The following TMEM178B variants were observed in gnomAD, a reference collection of about 807,000 sequenced individuals.
TMEM178B encodes the protein transmembrane protein 178B.
A neutral mutation model predicts 31.0 loss-of-function variants in TMEM178B; 5 were observed. The observed-to-expected ratio is 0.16, with a 90% CI of 0.08 to 0.34. TMEM178B has a LOEUF of 0.34. TMEM178B is among the 10% of genes least tolerant of loss of function. TMEM178B has a pLI of 1.00. For missense variants in TMEM178B, 275 were observed against 400.3 expected (o/e 0.69, Z 2.67); for synonymous variants, 164 against 164.0 (o/e 1.00, Z 0.00).
intron 2 of TMEM178B, among the ~76,000 whole-genome samples, chr7:141,351,336 T>C (rs760741675): frequency 1.2e-4 from 18 of 152,268 alleles, no homozygotes; most frequent in Non-Finnish European, 2.5e-4. Flanking sequence ...TACAGTCAGC[T>C]GAAGTTGGCT....
chr7:141,395,759 A>G (rs935538598), intron 2 of TMEM178B, among the ~76,000 whole-genome samples: 1 of 152,120 alleles, frequency 6.6e-6, no homozygotes, highest in Non-Finnish European at 1.5e-5. Flanking sequence ...GGATTTCTAT[A>G]TCAGGGGAAT....
At chr7:141,101,656 A>C (rs1392177450) in intron 1 of TMEM178B, among the ~76,000 whole-genome samples, 2 of 152,222 alleles carry the variant, frequency 1.3e-5, no homozygotes, top group Admixed American at 1.3e-4. Flanking sequence ...ACAGATAACT[A>C]TCTATAAATA....
At chr7:141,299,924 G>A (rs1798695710) in intron 2 of TMEM178B, among the ~76,000 whole-genome samples, 1 of 152,030 alleles carries the variant, frequency 6.6e-6, no homozygotes, top group Admixed American at 6.5e-5. Flanking sequence ...AGCTGGGACT[G>A]CAGACATGTG....
intron 3 of TMEM178B, among the ~76,000 whole-genome samples, chr7:141,462,837 C>T (rs1802082510): frequency 1.3e-5 from 2 of 151,904 alleles, no homozygotes; most frequent in African/African-American, 4.8e-5. Context: ...CGAGACTATC[C>T]TCCCCTCTTC....
intron 2 of TMEM178B, among the ~76,000 whole-genome samples, chr7:141,418,144 T>C (rs1202741078): frequency 3.3e-5 from 5 of 152,210 alleles, no homozygotes; most frequent in African/African-American, 1.2e-4. Flanking sequence ...CATAGAAATA[T>C]ACTTAAGTCT....
chr7:141,378,653 A>G lies in TMEM178B; in HGVS notation c.497-58955A>G, dbSNP rs541798851. On this transcript the variant is annotated intron_variant, in intron 2 of 3. Transcript: ENST00000565468. ...GTTTAGCCTCTACAGCTACATACTGACCTTTGCCAACCTGCAGATCTGTTC... is the reference window on the plus strand; with the variant it reads ...GTTTAGCCTCTACAGCTACATACTGGCCTTTGCCAACCTGCAGATCTGTTC... Among the ~76,000 whole-genome samples the G allele has an allele frequency of 3.3e-5, 5 of 152,308 alleles. No individual in the cohort carries two copies. The East Asian group carries it at 9.7e-4, about 29-fold the overall frequency.
At chr7:141,396,520 A>C (rs1800642235) in intron 2 of TMEM178B, among the ~76,000 whole-genome samples, 1 of 141,088 alleles carries the variant, frequency 7.1e-6, no homozygotes, top group Non-Finnish European at 1.6e-5. Flanking sequence ...CATACTGCAG[A>C]GTGGAAAACA....
intron 1 of TMEM178B, among the ~76,000 whole-genome samples, chr7:141,155,800 C>G (rs1273278675): frequency 6.6e-6 from 1 of 152,152 alleles, no homozygotes; most frequent in Non-Finnish European, 1.5e-5. Context: ...CGTGGTGGCT[C>G]ACATCTGTAA....
intron 1 of TMEM178B, among the ~76,000 whole-genome samples, chr7:141,166,568 T>C (rs546997153): frequency 3.3e-5 from 5 of 152,288 alleles, no homozygotes; most frequent in African/African-American, 1.2e-4. Flanking sequence ...TTCTAGTATC[T>C]ACTGACAAGA....
chr7:141,148,695 G>A (rs968309478), intron 1 of TMEM178B, among the ~76,000 whole-genome samples: 4 of 152,248 alleles, frequency 2.6e-5, no homozygotes. Flanking sequence ...TTGGTGCAGA[G>A]AATAGAGCAG....
chr7:141,208,150 G>C (rs1384934028), intron 1 of TMEM178B, among the ~76,000 whole-genome samples: 1 of 151,950 alleles, frequency 6.6e-6, no homozygotes, highest in Admixed American at 6.5e-5. Context: ...CGATGATTAC[G>C]CCACTGCATG....
At chr7:141,408,012 C>T (rs1193037878) in intron 2 of TMEM178B, among the ~76,000 whole-genome samples, 3 of 152,094 alleles carry the variant, frequency 2.0e-5, no homozygotes, top group African/African-American at 7.2e-5. Context: ...GAATGGAGGA[C>T]CAGAGACTTT....
rs566417815 is a variant in TMEM178B, at chr7:141,089,254, G to A, written c.382+14562G>A. On this transcript the variant is annotated intron_variant, in intron 1 of 3. Transcript: ENST00000565468. ...ATGAGGGGACATCCAGCAAGACTGGGAGGAAGGGCTTTAGGCTGATTCCTA... is the reference window on the plus strand; with the variant it reads ...ATGAGGGGACATCCAGCAAGACTGGAAGGAAGGGCTTTAGGCTGATTCCTA... 2.6e-5 allele frequency among the ~76,000 whole-genome samples: 4 copies of A among 152,350 alleles called. No homozygotes were observed. The East Asian group carries it at 7.7e-4, about 29-fold the overall frequency.
At chr7:141,113,082 A>G (rs529117052) in intron 1 of TMEM178B, among the ~76,000 whole-genome samples, 2 of 152,330 alleles carry the variant, frequency 1.3e-5, no homozygotes, top group South Asian at 4.1e-4. Flanking sequence ...AGACAGCAGG[A>G]ACAGTTGGAG....
chr7:141,226,979 A>G (rs1271899355), intron 2 of TMEM178B, among the ~76,000 whole-genome samples: 2 of 152,086 alleles, frequency 1.3e-5, no homozygotes, highest in African/African-American at 4.8e-5. Flanking sequence ...AGCTTTGCAG[A>G]TCTGGTTCAC....
At chr7:141,222,093 A>G (rs552020636) in intron 2 of TMEM178B, among the ~76,000 whole-genome samples, 39 of 152,296 alleles carry the variant, frequency 2.6e-4, no homozygotes, top group Non-Finnish European at 5.0e-4. Context: ...GGGAGATGGA[A>G]TATAGCAAAT....
At chr7:141,154,037 G>T (rs922283794) in intron 1 of TMEM178B, among the ~76,000 whole-genome samples, 3 of 152,260 alleles carry the variant, frequency 2.0e-5, no homozygotes, top group South Asian at 2.1e-4. Context: ...TTCTGTACCT[G>T]ACACTTTCTA....
intron 2 of TMEM178B, among the ~76,000 whole-genome samples, chr7:141,324,384 T>G (rs1047407507): frequency 6.9e-6 from 1 of 145,772 alleles, no homozygotes; most frequent in Admixed American, 7.1e-5. Flanking sequence ...ACAGATTGGA[T>G]GTGGAGTGTG....
At chr7:141,267,171 G>A (rs1586859831) in intron 2 of TMEM178B, among the ~76,000 whole-genome samples, 1 of 152,352 alleles carries the variant, frequency 6.6e-6, no homozygotes, top group East Asian at 1.9e-4. Context: ...CAGCCAACGA[G>A]CGAAGCTCTG....
Sources: allele counts gnomAD v4.1 joint callset (sites outside exome capture counted in the v4.1 genomes callset), GRCh38; gene constraint gnomAD v4.1.1; transcripts MANE v1.5; gene names NCBI Gene and HGNC (gene_info 2026-07-23, HGNC 2026-07-21).